The following NCKAP1 variants were observed in gnomAD, a reference collection of about 807,000 sequenced individuals.
NCKAP1 encodes NCK associated protein 1, also known as nck-associated protein 1.
A neutral mutation model predicts 151.2 loss-of-function variants in NCKAP1; 21 were observed. That is an observed-to-expected ratio of 0.14 (90% CI 0.10 to 0.20). The LOEUF (loss-of-function observed/expected upper bound fraction) is 0.20. Ranked by LOEUF, NCKAP1 falls within the 10% of genes least tolerant of loss-of-function variation. The pLI, the probability that NCKAP1 is intolerant of heterozygous loss-of-function variation, is 1.00. For synonymous variants in NCKAP1, 484 were observed against 451.8 expected, an observed-to-expected ratio of 1.07 and a Z score of -0.90; for missense variants, 933 against 1,352.1, an observed-to-expected ratio of 0.69 and a Z score of 4.86.
chr2:182,954,821 A>C (rs575281474), intron 20 of NCKAP1, among the ~76,000 whole-genome samples: 1 of 152,076 alleles, frequency 6.6e-6, no homozygotes, highest in East Asian at 1.9e-4. Flanking sequence ...TAAAATAAAA[A>C]ATCTTTCCAA....
rs1008485682 is a variant in NCKAP1 at position 182,912,172 on chromosome 2, T to C, written c.*13530A>G. 2 of 152,208 alleles carry C rather than the reference T, an allele frequency of 1.3e-5. No homozygotes were observed. Among genetic ancestry groups the C allele is most frequent in the African/African-American group, 4.8e-5 (2 of 41,456 alleles). 9.4% of individuals were successfully genotyped at this position (152,208 alleles called of 1,614,324 possible). On this transcript the variant is annotated 3_prime_UTR_variant, in exon 31 of 31. Transcript: ENST00000361354. Reference sequence around the variant, plus strand: ...AATGAAGACCATCTTAAAATATCTTTGGATATTGGCAAAAATTTAGGGAGC... The same window carrying C: ...AATGAAGACCATCTTAAAATATCTTCGGATATTGGCAAAAATTTAGGGAGC...
At chr2:182,969,178 A>C (rs561035654) in intron 15 of NCKAP1, among the ~76,000 whole-genome samples, 1 of 152,334 alleles carries the variant, frequency 6.6e-6, no homozygotes, top group African/African-American at 2.4e-5. Flanking sequence ...AACATGGGAT[A>C]GTCTCCAGGA....
intron 8 of NCKAP1, among the ~76,000 whole-genome samples, chr2:182,992,685 A>T (rs1261564836): frequency 2.6e-5 from 4 of 152,322 alleles, no homozygotes; most frequent in Middle Eastern, 6.8e-3. Flanking sequence ...CAATGTAAAA[A>T]ATAATATAAT....
Position 183,038,276 on chromosome 2 carries a change from G to A in NCKAP1, c.-177C>T, listed in dbSNP as rs1450900957. ...GCCGGCGACAGAGCGAGCCGCGGCGGACTCCTCGGAGCCCCTTCTCCCGCA... is the reference window on the plus strand; with the variant it reads ...GCCGGCGACAGAGCGAGCCGCGGCGAACTCCTCGGAGCCCCTTCTCCCGCA... On this transcript the variant is annotated 5_prime_UTR_variant, in exon 1 of 31. Coordinates refer to ENST00000361354, the MANE Select transcript of NCKAP1 (RefSeq NM_013436.5). 1.2e-5 allele frequency: 5 copies of A among 425,482 alleles called. No individual in the cohort carries two copies. The highest frequency in any genetic ancestry group is 7.8e-5 in the East Asian group (2 of 25,570). The allele number at this position is 425,482 out of a possible 1,614,324, so 26.4% of individuals were successfully genotyped here.
At chr2:182,953,022 T>C in intron 21 of NCKAP1, 91 bp downstream of exon 21, 1 of 1,479,052 alleles carries the variant, frequency 6.8e-7, no homozygotes, top group Admixed American at 2.2e-5. Context: ...ACTGATAATA[T>C]GAATAAGTAC....
At chr2:182,988,357 T>A (rs1196248089) in intron 9 of NCKAP1, among the ~76,000 whole-genome samples, 1 of 152,202 alleles carries the variant, frequency 6.6e-6, no homozygotes, top group African/African-American at 2.4e-5. Context: ...GCCCAACTTA[T>A]ATATTCAACA....
chr2:182,981,739 T>C (rs1697943433), intron 12 of NCKAP1, among the ~76,000 whole-genome samples: 1 of 151,502 alleles, frequency 6.6e-6, no homozygotes. Context: ...TAAAATCCCA[T>C]CTCTACTAAA....
chr2:182,937,743 C>G (rs1316264968), intron 24 of NCKAP1, among the ~76,000 whole-genome samples: 1 of 152,246 alleles, frequency 6.6e-6, no homozygotes. Flanking sequence ...TTTGTAAACT[C>G]TCATCTATAA....
Position 183,024,566 on chromosome 2 carries a change from G to A in NCKAP1, c.109-650C>T, listed in dbSNP as rs534019276. On this transcript the variant is annotated intron_variant, in intron 1 of 30. Transcript: ENST00000361354. ...ATATGTTTACGTTTTGACCGTATCA[G>A]CAGTACAGCATTCTCTGCAGTAAAC... Among the ~76,000 whole-genome samples the A allele has an allele frequency of 8.5e-5, 13 of 152,284 alleles. No individual in the cohort carries two copies. In the South Asian group the frequency reaches 2.7e-3, roughly 32 times the overall value.
chr2:183,032,949 C>G (rs1699034326), intron 1 of NCKAP1, among the ~76,000 whole-genome samples: 1 of 152,236 alleles, frequency 6.6e-6, no homozygotes, highest in South Asian at 2.1e-4. Context: ...ACTCAGAAGG[C>G]TGAGGTGGGA....
At position 182,920,602 on chromosome 2, in the gene NCKAP1, T is replaced by C. The variant is rs1478257910; in HGVS notation, c.*5100A>G. 2 of 152,240 alleles carry C rather than the reference T, an allele frequency of 1.3e-5. No individual in the cohort carries two copies. Among genetic ancestry groups the C allele is most frequent in the Non-Finnish European group, 2.9e-5 (2 of 68,056 alleles). 9.4% of individuals were successfully genotyped at this position (152,240 alleles called of 1,614,324 possible). ...AGTGTGCTGGCATATTTGGTGTTTG[T>C]GGAGGGTCTGCTTTCTGGTTCATGA... On this transcript the variant is annotated 3_prime_UTR_variant, in exon 31 of 31. Transcript: ENST00000361354.
chr2:183,003,183 C>T, intron 3 of NCKAP1, 50 bp downstream of exon 3: 1 of 1,270,790 alleles, frequency 7.9e-7, no homozygotes, highest in Admixed American at 2.3e-5. Context: ...AATTAATAAA[C>T]ATTTAAATCT....
chr2:183,001,867 A>C, intron 6 of NCKAP1, 86 bp downstream of exon 6: 2 of 1,203,568 alleles, frequency 1.7e-6, no homozygotes, highest in Non-Finnish European at 2.4e-6. Context: ...TATTTTTCAA[A>C]AACAAGATTA....
intron 23 of NCKAP1, among the ~76,000 whole-genome samples, chr2:182,950,484 T>C (rs1180481269): frequency 6.6e-6 from 1 of 152,156 alleles, no homozygotes; most frequent in Non-Finnish European, 1.5e-5. Flanking sequence ...AAAAAAATTA[T>C]GTATTTACAG....
rs551871899 is a variant in NCKAP1 at position 182,969,399 on chromosome 2, C to T, written c.1483-2038G>A. Among the ~76,000 whole-genome samples the T allele has an allele frequency of 4.6e-5, 7 of 151,524 alleles. No individual in the cohort carries two copies. In the East Asian group the frequency reaches 9.7e-4, roughly 21 times the overall value. ...TTGAAACACATTAAAAATAGAAACA[C>T]GATATACCAAAACCTATGAAATACA... On this transcript the variant is annotated intron_variant, in intron 15 of 30. Transcript: ENST00000361354.
chr2:182,951,751 G>T (rs1028911177), intron 23 of NCKAP1, among the ~76,000 whole-genome samples: 13 of 151,726 alleles, frequency 8.6e-5, no homozygotes, highest in Admixed American at 6.6e-5. Context: ...TATTCTGCTT[G>T]TAAGTTCAAA....
intron 15 of NCKAP1, among the ~76,000 whole-genome samples, chr2:182,972,812 T>C (rs576759974): frequency 9.9e-4 from 150 of 152,252 alleles, no homozygotes; most frequent in Non-Finnish European, 2.9e-4. Context: ...AAAACAAATG[T>C]CACATGTTCT....
At chr2:183,029,381 A>G (rs891664433) in intron 1 of NCKAP1, among the ~76,000 whole-genome samples, 1 of 152,002 alleles carries the variant, frequency 6.6e-6, no homozygotes, top group Non-Finnish European at 1.5e-5. Context: ...TCCTCAAGCT[A>G]TTACAGCATA....
intron 2 of NCKAP1, among the ~76,000 whole-genome samples, chr2:183,021,774 T>C (rs1249331520): frequency 1.3e-5 from 2 of 152,108 alleles, no homozygotes; most frequent in Non-Finnish European, 2.9e-5. Flanking sequence ...GTGGTTGCCT[T>C]AGGGCAGGGG....
Sources: allele counts gnomAD v4.1 joint callset (sites outside exome capture counted in the v4.1 genomes callset), GRCh38; gene constraint gnomAD v4.1.1; transcripts MANE v1.5; gene names NCBI Gene and HGNC (gene_info 2026-07-23, HGNC 2026-07-21).